Variants in MCF2L observed in about 807,000 individuals in gnomAD.
The protein encoded by MCF2L is MCF.2 cell line derived transforming sequence like.
A neutral mutation model predicts 153.4 loss-of-function variants in MCF2L; 97 were observed. The ratio of observed to expected loss-of-function variants is 0.63; its 90% confidence interval spans 0.54 to 0.75. The LOEUF (loss-of-function observed/expected upper bound fraction) is 0.75. Ranked by LOEUF, MCF2L falls within the 30% of genes least tolerant of loss-of-function variation. MCF2L has a pLI of 0.00. For missense variants in MCF2L, 1,347 were observed against 1,495.2 expected, an observed-to-expected ratio of 0.90 and a Z score of 1.64; for synonymous variants, 659 against 632.2, an observed-to-expected ratio of 1.04 and a Z score of -0.64.
chr13:113,019,704 CA>C (rs139818917), intron 2 of MCF2L, among the ~76,000 whole-genome samples: 1,879 of 152,280 alleles, frequency 0.012, 38 homozygotes, highest in African/African-American at 0.043. Flanking sequence ...ACCCTAACCC[CA>C]GAGGTGATGT....
At chr13:113,089,952 G>A (rs2035038305) in intron 26 of MCF2L, 1 of 1,596,914 alleles carries the variant, frequency 6.3e-7, no homozygotes, top group Non-Finnish European at 8.5e-7. Flanking sequence ...GCCCCAGAAG[G>A]AGCCTCGGCC....
At chr13:112,935,515 C>T (rs2081506163) in intron 2 of MCF2L, among the ~76,000 whole-genome samples, 1 of 152,124 alleles carries the variant, frequency 6.6e-6, no homozygotes, top group Admixed American at 6.5e-5. Context: ...TCTCGGCCTC[C>T]CAAAATGCTG....
chr13:113,011,000 AG>A (rs2084059559), intron 1 of MCF2L, among the ~76,000 whole-genome samples: 1 of 152,240 alleles, frequency 6.6e-6, no homozygotes, highest in Non-Finnish European at 1.5e-5. Context: ...TATGATCATA[AG>A]GGCAGATTTT....
chr13:112,995,427 T>G (rs1352115526), intron 1 of MCF2L, among the ~76,000 whole-genome samples: 1 of 152,234 alleles, frequency 6.6e-6, no homozygotes, highest in Non-Finnish European at 1.5e-5. Context: ...AGTATACAGT[T>G]GTGCTTAGTA....
At chr13:113,016,995 G>A (rs1222714963) in intron 2 of MCF2L, among the ~76,000 whole-genome samples, 1 of 152,232 alleles carries the variant, frequency 6.6e-6, no homozygotes, top group African/African-American at 2.4e-5. Context: ...GTGGGACCCT[G>A]GCACACCACG....
intron 2 of MCF2L, among the ~76,000 whole-genome samples, chr13:112,916,847 C>T (rs926343845): frequency 6.6e-6 from 1 of 152,100 alleles, no homozygotes; most frequent in African/African-American, 2.4e-5. Flanking sequence ...TCCTGCTTGA[C>T]AGAGCTGAAC....
At chr13:113,044,032 A>G (rs1345090509) in intron 3 of MCF2L, 2 of 154,828 alleles carry the variant, frequency 1.3e-5, no homozygotes, top group Non-Finnish European at 2.9e-5. Flanking sequence ...TTAGCTCCGT[A>G]AGAACTAAGC....
At chr13:113,047,365 T>C (rs2086880772) in intron 4 of MCF2L, 1 of 152,242 alleles carries the variant, frequency 6.6e-6, no homozygotes, top group Non-Finnish European at 1.5e-5. Flanking sequence ...CTTTCATTAT[T>C]GTACGTCTTA....
intron 2 of MCF2L, among the ~76,000 whole-genome samples, chr13:112,915,729 C>T (rs960830615): frequency 3.3e-5 from 5 of 152,118 alleles, no homozygotes; most frequent in African/African-American, 1.2e-4. Context: ...AATTTTTGTG[C>T]TTCCCATCTC....
At chr13:113,091,566 A>G (rs964059452) in intron 26 of MCF2L, among the ~76,000 whole-genome samples, 5 of 150,700 alleles carry the variant, frequency 3.3e-5, no homozygotes, top group African/African-American at 1.2e-4. Context: ...TCCCTGTGGC[A>G]CAGTTTGCCC....
intron 2 of MCF2L, among the ~76,000 whole-genome samples, chr13:112,905,519 A>G (rs1443643405): frequency 1.3e-5 from 2 of 152,244 alleles, no homozygotes; most frequent in African/African-American, 4.8e-5. Context: ...CATAAAGGAC[A>G]AAGACGAGGG....
intron 13 of MCF2L, among the ~76,000 whole-genome samples, 166 bp downstream of exon 13, chr13:113,077,377 C>T (rs1255653798): frequency 2.0e-5 from 3 of 152,260 alleles, no homozygotes; most frequent in Admixed American, 2.0e-4. Flanking sequence ...CGGTTCCCGC[C>T]ACCCCTCACC....
At chr13:112,944,098 A>C (rs1300406618) in intron 2 of MCF2L, among the ~76,000 whole-genome samples, 1 of 117,464 alleles carries the variant, frequency 8.5e-6, no homozygotes, top group Non-Finnish European at 1.8e-5. Context: ...GTTCCGGACC[A>C]TGAGGGAAGG....
At chr13:112,902,521 G>T in intron 2 of MCF2L, 1 of 838,640 alleles carries the variant, frequency 1.2e-6, no homozygotes, top group Non-Finnish European at 1.8e-6. Context: ...GCTGTGGGAG[G>T]GGCCTCGAAT....
intron 1 of MCF2L, chr13:112,985,597 C>T (rs2140935098): frequency 2.6e-6 from 1 of 390,842 alleles, no homozygotes; most frequent in African/African-American, 2.1e-5. Flanking sequence ...CTCCACAGGG[C>T]AGTCTGTGTC....
intron 27 of MCF2L, chr13:113,095,579 G>T: frequency 6.0e-6 from 6 of 998,014 alleles, no homozygotes; most frequent in Non-Finnish European, 7.2e-6. Flanking sequence ...CGTGAGGGCA[G>T]GCAGCCCAGT....
intron 2 of MCF2L, among the ~76,000 whole-genome samples, chr13:112,944,280 C>G (rs1172374602): frequency 6.6e-6 from 1 of 151,984 alleles, no homozygotes; most frequent in Non-Finnish European, 1.5e-5. Flanking sequence ...GAAGAGCAAG[C>G]TCATGACCCT....
intron 2 of MCF2L, among the ~76,000 whole-genome samples, chr13:112,903,760 T>A (rs937115884): frequency 6.6e-6 from 1 of 152,240 alleles, no homozygotes; most frequent in Non-Finnish European, 1.5e-5. Context: ...TCTCACGGAC[T>A]GAGAACCAGG....
chr13:112,989,021 G>C (rs2082779897), intron 1 of MCF2L, among the ~76,000 whole-genome samples: 1 of 124,004 alleles, frequency 8.1e-6, no homozygotes, highest in Non-Finnish European at 1.7e-5. Context: ...AGCAGGACAT[G>C]GAGCTACCAC....
Sources: allele counts gnomAD v4.1 joint callset (sites outside exome capture counted in the v4.1 genomes callset), GRCh38; gene constraint gnomAD v4.1.1; transcripts MANE v1.5; gene names NCBI Gene and HGNC (gene_info 2026-07-23, HGNC 2026-07-21).